The following RAD51B variants were observed in gnomAD, a reference collection of about 807,000 sequenced individuals.
RAD51B encodes DNA repair protein RAD51 homolog 2.
RAD51B carries 38 observed loss-of-function variants against 42.2 expected under a neutral mutation model. The ratio of observed to expected loss-of-function variants is 0.90; its 90% CI spans 0.70 to 1.18. RAD51B has a LOEUF of 1.18. RAD51B is among the 50% of genes most tolerant of loss of function. The probability of loss-of-function intolerance (pLI) is 0.00; values close to 1 mark genes in which losing one functional copy is unlikely to be tolerated. For missense variants in RAD51B, 373 were observed against 400.7 expected (o/e 0.93, Z 0.59); for synonymous variants, 154 against 145.2 (o/e 1.06, Z -0.43).
chr14:68,537,935 C>A (rs562423920), intron 10 of RAD51B, among the ~76,000 whole-genome samples: 9 of 152,298 alleles, frequency 5.9e-5, no homozygotes, highest in African/African-American at 2.2e-4. Context: ...TACCCAAGGT[C>A]ATGTAGCTAA....
chr14:68,043,482 T>C (rs2140401002), intron 7 of RAD51B, among the ~76,000 whole-genome samples: 1 of 152,342 alleles, frequency 6.6e-6, no homozygotes, highest in Admixed American at 6.5e-5. Context: ...TTTACAATTT[T>C]TAAGTACCAA....
At chr14:67,826,327 A>C (rs2040832407) in intron 3 of RAD51B, among the ~76,000 whole-genome samples, 1 of 152,222 alleles carries the variant, frequency 6.6e-6, no homozygotes, top group Non-Finnish European at 1.5e-5. Flanking sequence ...AAGGTAATTA[A>C]AAATTTATCC....
chr14:68,596,144 C>A (rs974703943), downstream of RAD51B: 3 of 587,850 alleles, frequency 5.1e-6, no homozygotes, highest in Non-Finnish European at 4.4e-6. Context: ...ACTTCTGGGG[C>A]AAGAGGCACA....
At chr14:68,628,352 C>CT (rs1338086024) in intron 10 of RAD51B, 1 of 152,234 alleles carries the variant, frequency 6.6e-6, no homozygotes, top group Non-Finnish European at 1.5e-5. Flanking sequence ...CCCCGCTTAC[C>CT]TGGGGTAAAA....
rs1364037342 is a variant in RAD51B, at chr14:67,979,508, G to T, written c.756+92304G>T. Among the ~76,000 whole-genome samples the T allele has an allele frequency of 3.9e-5, 6 of 152,028 alleles. No individual in the cohort carries two copies. In the South Asian group the frequency reaches 8.3e-4, roughly 21 times the overall value. ...TCTCCCTTTTAACACTGCGCTACTT[G>T]GTGCTACTAGGATAATCTTTCATAA... On this transcript the variant is annotated intron_variant, in intron 7 of 10. Coordinates refer to ENST00000471583, the MANE Select transcript of RAD51B (RefSeq NM_133510.4).
intron 7 of RAD51B, among the ~76,000 whole-genome samples, chr14:68,161,574 G>A (rs1026612472): frequency 3.3e-5 from 5 of 152,192 alleles, no homozygotes; most frequent in African/African-American, 7.2e-5. Flanking sequence ...AGGAAGAGAC[G>A]ACTTTTTAAG....
intron 3 of RAD51B, among the ~76,000 whole-genome samples, chr14:67,831,159 A>G (rs905090240): frequency 2.0e-5 from 3 of 151,802 alleles, no homozygotes; most frequent in Non-Finnish European, 2.9e-5. Context: ...ACAGGCGTGA[A>G]CCACCGCCCC....
At chr14:68,189,139 T>G (rs1453072824) in intron 7 of RAD51B, among the ~76,000 whole-genome samples, 1 of 152,012 alleles carries the variant, frequency 6.6e-6, no homozygotes, top group Non-Finnish European at 1.5e-5. Context: ...ATATTATATA[T>G]TTGTTACTAT....
intron 3 of RAD51B, among the ~76,000 whole-genome samples, chr14:67,834,620 GT>G (rs2041168709): frequency 6.6e-6 from 1 of 152,014 alleles, no homozygotes; most frequent in Non-Finnish European, 1.5e-5. Flanking sequence ...GTTTGTGTTA[GT>G]CCCTGTTTCC....
intron 8 of RAD51B, among the ~76,000 whole-genome samples, chr14:68,298,257 A>C (rs1208966929): frequency 6.6e-6 from 1 of 152,248 alleles, no homozygotes; most frequent in Non-Finnish European, 1.5e-5. Context: ...TGTAAATCCC[A>C]AAAGGGAGAG....
chr14:67,919,795 C>T (rs949944240), intron 7 of RAD51B, among the ~76,000 whole-genome samples: 4 of 152,044 alleles, frequency 2.6e-5, no homozygotes, highest in Non-Finnish European at 5.9e-5. Flanking sequence ...ACTTTTTCTC[C>T]CCTTCAGTTC....
At chr14:68,419,567 C>CTTAT (rs2084646648) in intron 9 of RAD51B, among the ~76,000 whole-genome samples, 1 of 152,204 alleles carries the variant, frequency 6.6e-6, no homozygotes, top group Non-Finnish European at 1.5e-5. Flanking sequence ...ATGAACTCCC[C>CTTAT]AGTCAAGTGA....
At chr14:68,645,838 A>G (rs969923111) in intron 10 of RAD51B, among the ~76,000 whole-genome samples, 1 of 152,126 alleles carries the variant, frequency 6.6e-6, no homozygotes, top group African/African-American at 2.4e-5. Context: ...TTTTGCTATC[A>G]TAAGTAAAAT....
In RAD51B at chr14:68,295,772, T is replaced by C. The variant is rs2081602317; in HGVS notation, c.853+3792T>C. Reference sequence around the variant, plus strand: ...CTCAGATCATTTTATCGCTGGCTGCTCTTGGCTGCTTGTTCTCACCTCACA... The same window carrying C: ...CTCAGATCATTTTATCGCTGGCTGCCCTTGGCTGCTTGTTCTCACCTCACA... On this transcript the variant is annotated intron_variant, in intron 8 of 10. Transcript: ENST00000471583. 2.0e-5 allele frequency among the ~76,000 whole-genome samples: 3 copies of C among 152,164 alleles called. 1 individual carries two copies. In the South Asian group the frequency reaches 6.2e-4, roughly 32 times the overall value.
At chr14:68,547,093 A>G (rs372812738) in intron 10 of RAD51B, among the ~76,000 whole-genome samples, 15 of 152,274 alleles carry the variant, frequency 9.9e-5, no homozygotes, top group African/African-American at 3.6e-4. Context: ...CTCACCTCCT[A>G]TTACAAATGG....
chr14:68,087,790 A>C (rs963107665), intron 7 of RAD51B, among the ~76,000 whole-genome samples: 2 of 145,456 alleles, frequency 1.4e-5, no homozygotes, highest in Non-Finnish European at 3.0e-5. Flanking sequence ...TTATTGACTT[A>C]AAATAATTAT....
At chr14:68,539,601 A>C (rs1344292252) in intron 10 of RAD51B, among the ~76,000 whole-genome samples, 1 of 152,218 alleles carries the variant, frequency 6.6e-6, no homozygotes, top group Non-Finnish European at 1.5e-5. Flanking sequence ...TGCTGAGCTC[A>C]GATAGAAATA....
chr14:68,229,447 A>C (rs2080105158), intron 7 of RAD51B, among the ~76,000 whole-genome samples: 1 of 152,218 alleles, frequency 6.6e-6, no homozygotes, highest in Non-Finnish European at 1.5e-5. Flanking sequence ...AAGCAGTGCA[A>C]GTAAAAGTGT....
At chr14:68,076,110 G>T (rs996031290) in intron 7 of RAD51B, among the ~76,000 whole-genome samples, 1 of 152,202 alleles carries the variant, frequency 6.6e-6, no homozygotes, top group South Asian at 2.1e-4. Context: ...TGGACCTGGG[G>T]TTAGGAAAGG....
Sources: allele counts gnomAD v4.1 joint callset (sites outside exome capture counted in the v4.1 genomes callset), GRCh38; gene constraint gnomAD v4.1.1; transcripts MANE v1.5; gene names NCBI Gene and HGNC (gene_info 2026-07-23, HGNC 2026-07-21).